SLC44A1: variants seen among roughly 807,000 people sequenced by gnomAD.
SLC44A1 encodes the protein choline transporter-like protein 1.
In SLC44A1, 26 loss-of-function variants were observed where a neutral mutation model predicts 79.3. That is an observed-to-expected ratio of 0.33 (90% CI 0.24 to 0.46). The LOEUF (loss-of-function observed/expected upper bound fraction) is 0.46. Ranked by LOEUF, SLC44A1 falls within the 20% of genes least tolerant of loss-of-function variation. The pLI is 1.00. For synonymous variants in SLC44A1, 263 were observed against 286.2 expected, an observed-to-expected ratio of 0.92 and a Z score of 0.82; for missense variants, 688 against 798.1, an observed-to-expected ratio of 0.86 and a Z score of 1.66.
At chr9:105,408,027 A>G (rs1829050174) in intron 15 of SLC44A1, among the ~76,000 whole-genome samples, 1 of 151,596 alleles carries the variant, frequency 6.6e-6, no homozygotes, top group Non-Finnish European at 1.5e-5. Flanking sequence ...ATTAGCTGGC[A>G]TAGTGGTAGG....
At chr9:105,334,533 A>G (rs1455650947) in intron 3 of SLC44A1, among the ~76,000 whole-genome samples, 2 of 152,200 alleles carry the variant, frequency 1.3e-5, no homozygotes, top group East Asian at 1.9e-4. Flanking sequence ...GTGAAAGGCT[A>G]TTGACAGATG....
chr9:105,324,010 G>GT lies in SLC44A1; in HGVS notation c.270-11548dup, dbSNP rs1249031811. ...CCAAGTGCTTTTTGTTTTTGTTTTT[G>GT]TTTTTGTTTTTGACGGAGTCTTGCT... On this transcript the variant is annotated intron_variant, in intron 3 of 15. Coordinates refer to ENST00000374720, the MANE Select transcript of SLC44A1 (RefSeq NM_080546.5). Among the ~76,000 whole-genome samples the GT allele has an allele frequency of 2.4e-3, 372 of 151,990 alleles. 1 individual carries two copies. The highest frequency in any genetic ancestry group is 7.1e-3 in the African/African-American group (296 of 41,420).
In SLC44A1 at chr9:105,348,448, C is replaced by T. The variant is rs776010289; in HGVS notation, c.497C>T (p.Ala166Val). 49 of 1,588,970 alleles carry T rather than the reference C, an allele frequency of 3.1e-5. No homozygotes were observed. In the East Asian group the frequency reaches 3.6e-4, roughly 12 times the overall value. ...CTCTGCCCCAAACTACCAGTTCCAG[C>T]GAGGTAAATTTTATTGCAAAGTTGT... The part of the protein sequence containing the change: ...SVLCPKLPVP[A>V]SAPIPFFHRC... The change falls in exon 5 of 16, where the codon GCG becomes GTG. Residue 166 changes from alanine to valine, a missense_variant. Ala to Val is a moderately conservative substitution (Grantham distance 64, BLOSUM62 0). Transcript: ENST00000374720.
At chr9:105,244,947 C>G (rs1453275925) in intron 1 of SLC44A1, 43 bp downstream of exon 1, 1 of 1,085,300 alleles carries the variant, frequency 9.2e-7, no homozygotes, top group Non-Finnish European at 1.1e-6. Context: ...GGATGCCTCC[C>G]GTGCGCCGCG....
intron 4 of SLC44A1, among the ~76,000 whole-genome samples, chr9:105,340,573 T>C (rs1390954921): frequency 6.6e-6 from 1 of 152,248 alleles, no homozygotes; most frequent in Non-Finnish European, 1.5e-5. Flanking sequence ...ATTAAGTTCA[T>C]GAAAGAGTCC....
chr9:105,431,448 T>A (rs1217832724), intron 15 of SLC44A1, among the ~76,000 whole-genome samples: 1 of 152,240 alleles, frequency 6.6e-6, no homozygotes, highest in Non-Finnish European at 1.5e-5. Context: ...TAGGTCTTAG[T>A]TGAGCTCTTG....
chr9:105,374,045 T>C (rs1342104719), intron 12 of SLC44A1, among the ~76,000 whole-genome samples: 1 of 152,150 alleles, frequency 6.6e-6, no homozygotes, highest in East Asian at 1.9e-4. Flanking sequence ...CAAAAAAGAT[T>C]TAGGGTTCTG....
chr9:105,248,002 C>G (rs1829498413), intron 1 of SLC44A1, among the ~76,000 whole-genome samples: 1 of 152,198 alleles, frequency 6.6e-6, no homozygotes, highest in South Asian at 2.1e-4. Flanking sequence ...TTCCTTTGCT[C>G]CTGATGACCT....
chr9:105,381,777 G>C (rs1828473566), intron 13 of SLC44A1, among the ~76,000 whole-genome samples: 1 of 152,164 alleles, frequency 6.6e-6, no homozygotes, highest in Non-Finnish European at 1.5e-5. Context: ...GCATCTGAGA[G>C]AGGGATCAAT....
intron 1 of SLC44A1, among the ~76,000 whole-genome samples, chr9:105,251,265 G>A (rs977637038): frequency 6.6e-6 from 1 of 152,104 alleles, no homozygotes; most frequent in East Asian, 1.9e-4. Context: ...CCCTGGTTGT[G>A]GAAACTGGAG....
At chr9:105,355,364 T>C (rs944647868) in intron 5 of SLC44A1, among the ~76,000 whole-genome samples, 11 of 152,202 alleles carry the variant, frequency 7.2e-5, no homozygotes, top group African/African-American at 2.7e-4. Flanking sequence ...CTAATATAAA[T>C]GACTAAGTAA....
At chr9:105,424,899 G>T (rs1378970598) in intron 15 of SLC44A1, among the ~76,000 whole-genome samples, 1 of 147,998 alleles carries the variant, frequency 6.8e-6, no homozygotes, top group Non-Finnish European at 1.5e-5. Flanking sequence ...GTGAGCCGAG[G>T]TCAGACCATT....
rs982684591 is a variant in SLC44A1, at chr9:105,244,712, C to A, written c.-157C>A. ...GGCCGGCGCCTGCCTCTAGCCGCGC[C>A]GCCTCTTGAGTACCAGCCGCCGCTG... On this transcript the variant is annotated 5_prime_UTR_variant, in exon 1 of 16. Transcript: ENST00000374720. 1.3e-5 allele frequency: 4 copies of A among 317,210 alleles called. No homozygotes were observed. Among genetic ancestry groups the A allele is most frequent in the Admixed American group, 1.0e-4 (2 of 19,072 alleles). 19.6% of individuals were successfully genotyped at this position (317,210 alleles called of 1,614,324 possible).
At chr9:105,401,265 A>G (rs942266589), downstream of SLC44A1, among the ~76,000 whole-genome samples, 7 of 152,362 alleles carry the variant, frequency 4.6e-5, no homozygotes, top group South Asian at 6.2e-4. Context: ...ATATTCCTCT[A>G]TAGTTTTTAA....
rs1275127557 is a variant in SLC44A1 at position 105,383,215 on chromosome 9, C to T, written c.1725C>T (p.Val575=). The T allele has an allele frequency of 1.2e-6, 2 of 1,614,006 alleles. No homozygotes were observed. The highest frequency in any genetic ancestry group is 1.7e-5 in the Admixed American group (1 of 60,006). Residue 575 remains valine, a synonymous_variant, in exon 14 of 16, where the codon GTC becomes GTT. Transcript: ENST00000374720. ...YTVWVLPLII[V]CLFAFLVAHC... is the part of the protein sequence containing the mutation. Reference sequence around the variant, plus strand: ...TATGGGTGCTGCCTCTGATCATCGTCTGCCTCTTTGCTTTCCTAGTCGCTC... The same window carrying T: ...TATGGGTGCTGCCTCTGATCATCGTTTGCCTCTTTGCTTTCCTAGTCGCTC...
intron 1 of SLC44A1, among the ~76,000 whole-genome samples, chr9:105,283,276 T>C (rs1029511049): frequency 3.3e-5 from 5 of 152,230 alleles, no homozygotes; most frequent in Admixed American, 1.3e-4. Flanking sequence ...TTGTAAATTA[T>C]ACTGAAATGC....
intron 1 of SLC44A1, among the ~76,000 whole-genome samples, chr9:105,246,240 C>A (rs566394170): frequency 6.6e-6 from 1 of 152,278 alleles, no homozygotes; most frequent in South Asian, 2.1e-4. Context: ...CTATATATAA[C>A]TCAGTTTTAA....
At chr9:105,354,765 A>G (rs1224992503) in intron 5 of SLC44A1, among the ~76,000 whole-genome samples, 2 of 152,198 alleles carry the variant, frequency 1.3e-5, no homozygotes, top group Admixed American at 1.3e-4. Context: ...TCTTACCATC[A>G]ATGGTGCTCA....
chr9:105,354,082 T>G lies in SLC44A1; in HGVS notation c.501-2130T>G, dbSNP rs10081753. 1.5e-3 allele frequency among the ~76,000 whole-genome samples: 199 copies of G among 129,478 alleles called. 1 individual carries two copies. The highest frequency in any genetic ancestry group is 5.7e-3 in the African/African-American group (185 of 32,496). 84.9% of individuals were successfully genotyped at this position (129,478 alleles called of 152,430 possible). ...TTTTTTTTTTTTGAGACGGAGTCTC[T>G]CTCTGTCGCCCAGGCTGGAGTGCAG... is the stretch of plus-strand genomic sequence containing the variant. On this transcript the variant is annotated intron_variant, in intron 5 of 15. Transcript: ENST00000374720.
Sources: allele counts gnomAD v4.1 joint callset (sites outside exome capture counted in the v4.1 genomes callset), GRCh38; gene constraint gnomAD v4.1.1; transcripts MANE v1.5; gene names NCBI Gene and HGNC (gene_info 2026-07-23, HGNC 2026-07-21).